Variants in MTARC2 observed in about 807,000 individuals in gnomAD.
The protein encoded by MTARC2 is MOCO sulphurase C-terminal domain containing 2.
In MTARC2, 27 loss-of-function variants were observed where a neutral mutation model predicts 35.6. The ratio of observed to expected loss-of-function variants is 0.76; its 90% confidence interval spans 0.56 to 1.04. The LOEUF is 1.04. MTARC2 is among the 50% of genes least tolerant of loss of function. The probability of loss-of-function intolerance (pLI) is 0.00; values close to 1 mark genes in which losing one functional copy is unlikely to be tolerated. For missense variants in MTARC2, 412 were observed against 432.5 expected, an observed-to-expected ratio of 0.95 and a Z score of 0.42; for synonymous variants, 158 against 167.1, an observed-to-expected ratio of 0.95 and a Z score of 0.42.
At chr1:220,782,342 A>G (rs1446281504) in intron 7 of MTARC2, among the ~76,000 whole-genome samples, 1 of 152,256 alleles carries the variant, frequency 6.6e-6, no homozygotes, top group Non-Finnish European at 1.5e-5. Flanking sequence ...AGCTTGGGAA[A>G]TGTTTAAATT....
intron 3 of MTARC2, 140 bp downstream of exon 3, chr1:220,761,960 C>A: frequency 1.2e-6 from 1 of 824,396 alleles, no homozygotes; most frequent in Non-Finnish European, 1.9e-6. Flanking sequence ...AATGAGGGCA[C>A]AGCCTAGGCA....
intron 4 of MTARC2, among the ~76,000 whole-genome samples, chr1:220,770,834 G>T (rs1383779879): frequency 6.6e-6 from 1 of 152,324 alleles, no homozygotes. Context: ...AGAGGAAACT[G>T]GTATGTGGGT....
rs114557644 is a variant in MTARC2 at position 220,748,567 on chromosome 1, C to T, written c.36C>T (p.Leu12=). Reference sequence around the variant, plus strand: ...CCAGCTCCTCCGCGCTGGCCCGCCTCGGCCTCCCAGCCCGGCCCTGGCCCA... The same window carrying T: ...CCAGCTCCTCCGCGCTGGCCCGCCTTGGCCTCCCAGCCCGGCCCTGGCCCA... ...GASSSSALAR[L]GLPARPWPRW... is the part of the protein sequence containing the mutation. Residue 12 remains leucine (L), a synonymous_variant, in exon 1 of 8, where the codon CTC becomes CTT. Transcript: ENST00000366913. 2,182 of 1,442,766 alleles carry T rather than the reference C, an allele frequency of 1.5e-3. 27 individuals carry two copies. The African/African-American group carries it at 0.029, about 19-fold the overall frequency. 89.4% of individuals were successfully genotyped at this position (1,442,766 alleles called of 1,614,324 possible).
intron 6 of MTARC2, among the ~76,000 whole-genome samples, chr1:220,780,453 C>CTTTT (rs11364112): frequency 1.5e-5 from 2 of 133,778 alleles, no homozygotes; most frequent in African/African-American, 5.8e-5. Flanking sequence ...TTTGGATAAA[C>CTTTT]TTTTTTTTTT....
At chr1:220,769,748 C>CTG (rs1259580259) in intron 4 of MTARC2, among the ~76,000 whole-genome samples, 37 of 151,700 alleles carry the variant, frequency 2.4e-4, no homozygotes, top group African/African-American at 8.2e-4. Context: ...TCTTCTCTCT[C>CTG]TCTCTCTTTC....
intron 4 of MTARC2, among the ~76,000 whole-genome samples, chr1:220,778,455 A>C (rs867012025): frequency 1.3e-5 from 2 of 152,156 alleles, no homozygotes; most frequent in Middle Eastern, 3.4e-3. Context: ...AAGCAACCGG[A>C]TCTCGCAAGA....
At chr1:220,749,504 C>T (rs1671076694) in intron 1 of MTARC2, among the ~76,000 whole-genome samples, 1 of 149,350 alleles carries the variant, frequency 6.7e-6, no homozygotes, top group South Asian at 2.1e-4. Context: ...TATCTCAGCT[C>T]ACTGCAACCT....
At chr1:220,773,925 G>A (rs1001278037) in intron 4 of MTARC2, among the ~76,000 whole-genome samples, 3 of 151,746 alleles carry the variant, frequency 2.0e-5, no homozygotes, top group Non-Finnish European at 4.4e-5. Flanking sequence ...TATGTATACA[G>A]ATTTTTTATG....
chr1:220,783,196 T>C (rs995705580), intron 7 of MTARC2, among the ~76,000 whole-genome samples: 1 of 152,224 alleles, frequency 6.6e-6, no homozygotes, highest in Non-Finnish European at 1.5e-5. Context: ...AGGATGCCTT[T>C]TGAAAAATAT....
intron 4 of MTARC2, among the ~76,000 whole-genome samples, chr1:220,777,831 G>A (rs1047021399): frequency 6.6e-6 from 1 of 151,992 alleles, no homozygotes; most frequent in Middle Eastern, 3.2e-3. Context: ...CTTACCATGG[G>A]GTTACCTCCC....
chr1:220,768,081 C>G (rs1346352228), intron 4 of MTARC2, among the ~76,000 whole-genome samples: 1 of 152,202 alleles, frequency 6.6e-6, no homozygotes, highest in Non-Finnish European at 1.5e-5. Context: ...TCACGACTCA[C>G]TGCTATTGAA....
intron 4 of MTARC2, among the ~76,000 whole-genome samples, chr1:220,775,110 AACAG>A (rs1054315597): frequency 3.3e-5 from 5 of 152,130 alleles, no homozygotes; most frequent in Admixed American, 3.3e-4. Flanking sequence ...GAAGGTTTCA[AACAG>A]ACAAACACCC....
intron 6 of MTARC2, among the ~76,000 whole-genome samples, chr1:220,781,083 A>G (rs759680300): frequency 6.6e-6 from 1 of 151,860 alleles, no homozygotes; most frequent in Non-Finnish European, 1.5e-5. Context: ...TAGGCTTAAC[A>G]TTCTTTGGAG....
chr1:220,781,706 TGAG>T (rs1672075258), intron 6 of MTARC2, 69 bp from the exon 7 acceptor site: 2 of 1,533,032 alleles, frequency 1.3e-6, no homozygotes, highest in Non-Finnish European at 8.9e-7. Flanking sequence ...AAGGCAAACT[TGAG>T]TTCTATTGAG....
At chr1:220,778,140 G>A (rs1671965621) in intron 4 of MTARC2, among the ~76,000 whole-genome samples, 2 of 151,298 alleles carry the variant, frequency 1.3e-5, no homozygotes, top group Admixed American at 1.3e-4. Context: ...TACTCAGGAG[G>A]CTGAGGCATG....
chr1:220,757,694 A>G (rs1248281055), intron 2 of MTARC2, among the ~76,000 whole-genome samples: 1 of 152,172 alleles, frequency 6.6e-6, no homozygotes, highest in Non-Finnish European at 1.5e-5. Flanking sequence ...TTCCTCTTAT[A>G]AGGGTGCCAA....
intron 2 of MTARC2, among the ~76,000 whole-genome samples, chr1:220,755,865 A>G (rs769282965): frequency 1.3e-5 from 2 of 152,230 alleles, no homozygotes; most frequent in South Asian, 2.1e-4. Context: ...AGGTGGTACA[A>G]TGTGCTCATC....
intron 4 of MTARC2, among the ~76,000 whole-genome samples, chr1:220,774,281 G>A (rs1671830607): frequency 1.3e-5 from 2 of 152,010 alleles, no homozygotes; most frequent in African/African-American, 4.8e-5. Context: ...TGTCTAGACT[G>A]GGAGCACCCT....
intron 2 of MTARC2, 57 bp downstream of exon 2, chr1:220,755,177 C>T (rs960480245): frequency 1.3e-6 from 2 of 1,498,534 alleles, no homozygotes; most frequent in African/African-American, 1.4e-5. Context: ...TCTTCAGGCT[C>T]CTCCTTGCAT....
Sources: gnomAD v4.1 joint callset for allele counts (sites outside exome capture counted in the v4.1 genomes callset) on GRCh38, gnomAD v4.1.1 for gene constraint, MANE v1.5 for transcripts, NCBI Gene and HGNC (gene_info 2026-07-23, HGNC 2026-07-21) for gene names.